CMTM8: variants seen among roughly 807,000 people sequenced by gnomAD.
The protein encoded by CMTM8 is CKLF-like MARVEL transmembrane domain-containing protein 8.
CMTM8 carries 12 observed loss-of-function variants against 18.6 expected under a neutral mutation model. That is an observed-to-expected ratio of 0.65 (90% CI 0.41 to 1.05). The LOEUF (loss-of-function observed/expected upper bound fraction) is 1.05. Among genes scored for constraint, CMTM8 ranks in the 50% least tolerant of loss-of-function variants. CMTM8 has a pLI of 0.00. For synonymous variants in CMTM8, 87 were observed against 90.6 expected (o/e 0.96, Z 0.23); for missense variants, 217 against 227.2 (o/e 0.95, Z 0.29).
At chr3:32,366,911 C>G (rs1575098602) in intron 2 of CMTM8, among the ~76,000 whole-genome samples, 1 of 152,208 alleles carries the variant, frequency 6.6e-6, no homozygotes, top group East Asian at 1.9e-4. Flanking sequence ...GACCTGAAGA[C>G]AGTGTGAGCA....
At chr3:32,338,942 T>C (rs1447805762) in intron 1 of CMTM8, among the ~76,000 whole-genome samples, 1 of 152,206 alleles carries the variant, frequency 6.6e-6, no homozygotes, top group Non-Finnish European at 1.5e-5. Flanking sequence ...GAGAATCAGC[T>C]TCACTCACGT....
chr3:32,312,902 G>A (rs767046484), intron 1 of CMTM8, among the ~76,000 whole-genome samples: 1 of 151,660 alleles, frequency 6.6e-6, no homozygotes, highest in African/African-American at 2.4e-5. Context: ...ATTGGTCCAG[G>A]GCTGTTCCAG....
intron 1 of CMTM8, among the ~76,000 whole-genome samples, chr3:32,318,075 AAAAG>A (rs1261591300): frequency 2.0e-5 from 3 of 150,358 alleles, no homozygotes; most frequent in Admixed American, 6.6e-5. Context: ...AAAAAAAAAA[AAAAG>A]AATGCGTTCT....
At chr3:32,307,327 G>A (rs1395228187) in intron 1 of CMTM8, among the ~76,000 whole-genome samples, 1 of 152,096 alleles carries the variant, frequency 6.6e-6, no homozygotes, top group Admixed American at 6.6e-5. Context: ...ACCGACAAGA[G>A]CGAAACTCCA....
intron 2 of CMTM8, among the ~76,000 whole-genome samples, chr3:32,361,286 G>GTTTGTTTTTTGTTTTTTGTT (rs140270969): frequency 2.3e-5 from 2 of 87,226 alleles, no homozygotes; most frequent in African/African-American, 4.0e-5. Context: ...CAGCCTAAGA[G>GTTTGTTTTTTGTTTTTTGTT]TTTTTTTTTC....
At chr3:32,296,800 C>G (rs778694425) in intron 1 of CMTM8, among the ~76,000 whole-genome samples, 2 of 152,180 alleles carry the variant, frequency 1.3e-5, no homozygotes, top group South Asian at 4.1e-4. Context: ...AGGTTTTCCT[C>G]GGGAAGAGCA....
intron 1 of CMTM8, among the ~76,000 whole-genome samples, chr3:32,317,214 A>G (rs569336073): frequency 1.3e-5 from 2 of 152,136 alleles, no homozygotes; most frequent in South Asian, 4.2e-4. Flanking sequence ...TAAGTCTGTC[A>G]ATACATGGAA....
intron 1 of CMTM8, among the ~76,000 whole-genome samples, chr3:32,312,640 G>A (rs575387494): frequency 1.3e-5 from 2 of 152,190 alleles, no homozygotes; most frequent in East Asian, 3.9e-4. Flanking sequence ...GAGGCTGCAT[G>A]ACAGAAGCAC....
chr3:32,249,028 A>ATTTTT (rs1457556322), intron 1 of CMTM8, among the ~76,000 whole-genome samples: 1 of 69,310 alleles, frequency 1.4e-5, no homozygotes, highest in African/African-American at 5.9e-5. Context: ...GTAATGTGGA[A>ATTTTT]TCTTTTTTTT....
chr3:32,298,023 A>T (rs977426362), intron 1 of CMTM8, among the ~76,000 whole-genome samples: 5 of 151,068 alleles, frequency 3.3e-5, no homozygotes, highest in Non-Finnish European at 7.4e-5. Flanking sequence ...ATTGCTCAGA[A>T]CTCCAACAAA....
intron 1 of CMTM8, among the ~76,000 whole-genome samples, chr3:32,249,437 GA>G (rs66847705): frequency 0.13 from 13,310 of 102,588 alleles, 682 homozygotes; most frequent in African/African-American, 0.21. Context: ...CTCAAAAAAT[GA>G]AAAAAAAAAA....
At chr3:32,272,908 C>T (rs1702459783) in intron 1 of CMTM8, among the ~76,000 whole-genome samples, 1 of 152,058 alleles carries the variant, frequency 6.6e-6, no homozygotes, top group Non-Finnish European at 1.5e-5. Context: ...TTGTCTCCCA[C>T]CACCCTGTAC....
rs551242578 is a variant in CMTM8, at chr3:32,294,389, G to C, written c.147+55270G>C. ...TCTCTATGAAACGTTTTCCGATTAT[G>C]CTTTACGCTGCATTTTTGTCCTTCT... On this transcript the variant is annotated intron_variant, in intron 1 of 3. Transcript: ENST00000307526. Among the ~76,000 whole-genome samples the C allele has an allele frequency of 4.8e-4, 73 of 152,286 alleles. 1 individual carries two copies. The highest frequency in any genetic ancestry group is 1.7e-3 in the African/African-American group (71 of 41,546).
At chr3:32,326,370 C>T (rs1049881173) in intron 1 of CMTM8, among the ~76,000 whole-genome samples, 1 of 152,134 alleles carries the variant, frequency 6.6e-6, no homozygotes, top group Non-Finnish European at 1.5e-5. Flanking sequence ...ACCACCCTCT[C>T]CCTCTATATC....
At chr3:32,353,056 C>T (rs944087744) in intron 1 of CMTM8, among the ~76,000 whole-genome samples, 7 of 152,174 alleles carry the variant, frequency 4.6e-5, no homozygotes, top group Non-Finnish European at 1.0e-4. Context: ...TATAGTGGTG[C>T]AATCTCAGCT....
At chr3:32,253,273 C>T (rs539996864) in intron 1 of CMTM8, among the ~76,000 whole-genome samples, 1 of 151,858 alleles carries the variant, frequency 6.6e-6, no homozygotes, top group East Asian at 1.9e-4. Flanking sequence ...TGCTATATTC[C>T]ATTTTGTCTG....
At chr3:32,295,669 C>T (rs1169260564) in intron 1 of CMTM8, among the ~76,000 whole-genome samples, 1 of 151,932 alleles carries the variant, frequency 6.6e-6, no homozygotes, top group East Asian at 1.9e-4. Context: ...CTTCATGGAA[C>T]CTCTTCAGAG....
At chr3:32,338,486 C>T (rs530831355) in intron 1 of CMTM8, among the ~76,000 whole-genome samples, 1 of 152,310 alleles carries the variant, frequency 6.6e-6, no homozygotes, top group East Asian at 1.9e-4. Flanking sequence ...ACTGATATCA[C>T]TGCTTTTACC....
At chr3:32,297,131 T>C (rs547336587) in intron 1 of CMTM8, among the ~76,000 whole-genome samples, 1 of 152,318 alleles carries the variant, frequency 6.6e-6, no homozygotes, top group African/African-American at 2.4e-5. Flanking sequence ...TTACATCATT[T>C]CCTCACCTTG....
Sources: gnomAD v4.1 joint callset for allele counts (sites outside exome capture counted in the v4.1 genomes callset) on GRCh38, gnomAD v4.1.1 for gene constraint, MANE v1.5 for transcripts, NCBI Gene and HGNC (gene_info 2026-07-23, HGNC 2026-07-21) for gene names.